The following PXDNL variants were observed in gnomAD, a reference collection of about 807,000 sequenced individuals.
PXDNL encodes probable oxidoreductase PXDNL.
Under a neutral mutation model 150.8 loss-of-function variants are expected in PXDNL, and 145 were observed. The ratio of observed to expected loss-of-function variants is 0.96; its 90% CI spans 0.84 to 1.10. The LOEUF is 1.10. PXDNL is among the 50% of genes least tolerant of loss of function. PXDNL has a pLI of 0.00. For synonymous variants in PXDNL, 757 were observed against 725.7 expected (o/e 1.04, Z -0.69); for missense variants, 2,087 against 1,873.9 (o/e 1.11, Z -2.10).
At chr8:51,392,631 T>G (rs1048646254) in intron 17 of PXDNL, among the ~76,000 whole-genome samples, 2 of 152,190 alleles carry the variant, frequency 1.3e-5, no homozygotes, top group Non-Finnish European at 2.9e-5. Flanking sequence ...AGCTTAAGGA[T>G]ATTTTGGGCT....
chr8:51,709,283 C>G (rs1816446325), intron 1 of PXDNL, among the ~76,000 whole-genome samples: 1 of 150,744 alleles, frequency 6.6e-6, no homozygotes, highest in Non-Finnish European at 1.5e-5. Context: ...GAGACGGAGT[C>G]TCACTCTGTT....
At chr8:51,807,136 T>C (rs1471596218) in intron 1 of PXDNL, among the ~76,000 whole-genome samples, 1 of 152,176 alleles carries the variant, frequency 6.6e-6, no homozygotes, top group East Asian at 1.9e-4. Flanking sequence ...AAGAAATACC[T>C]GAAACTGGGT....
rs368016413 is a variant in PXDNL, at chr8:51,806,176, C to T, written c.164+3005G>A. On this transcript the variant is annotated intron_variant, in intron 1 of 22. Transcript: ENST00000356297. The stretch of plus-strand genomic sequence containing the variant: ...ACTGTAACCAATCTTAAAAATAATA[C>T]AGTTTTCTTATCTATGATTTAGGAA... Among the ~76,000 whole-genome samples the T allele has an allele frequency of 5.6e-4, 86 of 152,234 alleles. 1 individual carries two copies. Among genetic ancestry groups the T allele is most frequent in the African/African-American group, 1.7e-3 (71 of 41,552 alleles).
intron 1 of PXDNL, among the ~76,000 whole-genome samples, chr8:51,801,383 C>A (rs914659258): frequency 2.6e-5 from 4 of 152,194 alleles, no homozygotes; most frequent in African/African-American, 9.7e-5. Context: ...ATCAGTAATT[C>A]TAATTTTGCC....
Position 51,320,157 on chromosome 8 carries a change from G to A in PXDNL, c.4261-135C>T, listed in dbSNP as rs543916541. On this transcript the variant is annotated intron_variant, in intron 22 of 22. Transcript: ENST00000356297. ...ATAATAAAAAATGCTCATAGTATGA[G>A]CTCATTTTTGCATGGTTTCTATTCA... The A allele has an allele frequency of 1.7e-4, 121 of 713,614 alleles. No homozygotes were observed. In the African/African-American group the frequency reaches 2.0e-3, roughly 12 times the overall value. 44.2% of individuals were successfully genotyped at this position (713,614 alleles called of 1,614,324 possible). A position where few individuals can be genotyped will look rare whatever the true frequency, so the allele number is the denominator to read the frequency against.
chr8:51,559,167 A>G (rs1812660811), intron 3 of PXDNL, among the ~76,000 whole-genome samples: 2 of 151,906 alleles, frequency 1.3e-5, no homozygotes, highest in Non-Finnish European at 2.9e-5. Flanking sequence ...ATAATTCTCA[A>G]GTTGTTATCT....
At chr8:51,487,313 A>G (rs1184148929) in intron 5 of PXDNL, among the ~76,000 whole-genome samples, 1 of 152,042 alleles carries the variant, frequency 6.6e-6, no homozygotes, top group African/African-American at 2.4e-5. Context: ...TCTTCTGCCT[A>G]AGGTTTAGGT....
intron 2 of PXDNL, among the ~76,000 whole-genome samples, chr8:51,627,884 C>T (rs1585630990): frequency 6.6e-6 from 1 of 152,236 alleles, no homozygotes; most frequent in East Asian, 1.9e-4. Flanking sequence ...CTGTCTGGGG[C>T]CTACCTAAAA....
intron 1 of PXDNL, among the ~76,000 whole-genome samples, chr8:51,718,339 C>T (rs535215907): frequency 6.6e-6 from 1 of 152,146 alleles, no homozygotes; most frequent in Non-Finnish European, 1.5e-5. Context: ...CAGGGAAGCT[C>T]TCCACCCTTT....
chr8:51,592,849 A>G (rs1419530332), intron 2 of PXDNL, among the ~76,000 whole-genome samples, 151 bp from the exon 3 acceptor site: 1 of 152,206 alleles, frequency 6.6e-6, no homozygotes, highest in Non-Finnish European at 1.5e-5. Context: ...TTAATTCCCT[A>G]TTCAAAAAAG....
intron 4 of PXDNL, among the ~76,000 whole-genome samples, chr8:51,502,334 G>A (rs990972834): frequency 5.3e-5 from 8 of 152,120 alleles, no homozygotes; most frequent in Non-Finnish European, 5.9e-5. Flanking sequence ...CAAGAATCCC[G>A]GAGCAGAGCC....
At chr8:51,331,423 G>A (rs1805685104) in intron 21 of PXDNL, among the ~76,000 whole-genome samples, 1 of 152,190 alleles carries the variant, frequency 6.6e-6, no homozygotes, top group South Asian at 2.1e-4. Context: ...CCGCACTGGA[G>A]AGAAGGACTT....
At chr8:51,434,009 C>T (rs542747193) in intron 12 of PXDNL, among the ~76,000 whole-genome samples, 43 of 152,010 alleles carry the variant, frequency 2.8e-4, no homozygotes, top group Non-Finnish European at 5.3e-4. Context: ...TTTTGAATCT[C>T]AGCTCTTTTA....
intron 7 of PXDNL, 43 bp downstream of exon 7, chr8:51,474,929 T>G: frequency 6.9e-7 from 1 of 1,455,958 alleles, no homozygotes; most frequent in Non-Finnish European, 9.3e-7. Flanking sequence ...AGAGAGCAAA[T>G]GAGAGACAGT....
chr8:51,320,542 G>A (rs928341679), intron 22 of PXDNL, among the ~76,000 whole-genome samples: 5 of 152,118 alleles, frequency 3.3e-5, no homozygotes, highest in Non-Finnish European at 4.4e-5. Context: ...TGGTTCCCTC[G>A]TCCATCAGTG....
At chr8:51,446,076 G>A (rs1809666545) in intron 12 of PXDNL, among the ~76,000 whole-genome samples, 1 of 152,092 alleles carries the variant, frequency 6.6e-6, no homozygotes, top group Non-Finnish European at 1.5e-5. Context: ...AAATATAAGG[G>A]GAAAGTAATT....
At chr8:51,618,647 T>A (rs1814177651) in intron 2 of PXDNL, among the ~76,000 whole-genome samples, 1 of 152,132 alleles carries the variant, frequency 6.6e-6, no homozygotes, top group African/African-American at 2.4e-5. Context: ...AAACTTGAAA[T>A]CAAACTCCCT....
intron 19 of PXDNL, among the ~76,000 whole-genome samples, chr8:51,350,383 G>C (rs1806311849): frequency 7.9e-6 from 1 of 125,818 alleles, no homozygotes; most frequent in African/African-American, 3.8e-5. Context: ...TTTTGAGAGG[G>C]AGTTTCACTC....
chr8:51,331,474 C>T (rs1805687094), intron 21 of PXDNL, among the ~76,000 whole-genome samples: 1 of 152,196 alleles, frequency 6.6e-6, no homozygotes, highest in Admixed American at 6.5e-5. Context: ...GGGACAGAAG[C>T]TTCCTAGCCA....
Sources: gnomAD v4.1 joint callset for allele counts (sites outside exome capture counted in the v4.1 genomes callset) on GRCh38, gnomAD v4.1.1 for gene constraint, MANE v1.5 for transcripts, NCBI Gene and HGNC (gene_info 2026-07-23, HGNC 2026-07-21) for gene names.